The following IQCM variants were observed in gnomAD, a reference collection of about 807,000 sequenced individuals.
IQCM encodes IQ domain-containing protein M.
IQCM carries 45 observed loss-of-function variants against 57.6 expected under a neutral mutation model. That is an observed-to-expected ratio of 0.78 (90% CI 0.62 to 1.00). The LOEUF (loss-of-function observed/expected upper bound fraction) is 1.00, where lower values mean the gene tolerates loss of function less well. Among genes scored for constraint, IQCM ranks in the 50% least tolerant of loss-of-function variants. The pLI is 0.00. For synonymous variants in IQCM, 148 were observed against 158.9 expected (o/e 0.93, Z 0.51); for missense variants, 468 against 511.6 (o/e 0.91, Z 0.82).
intron 13 of IQCM, among the ~76,000 whole-genome samples, chr4:149,388,652 A>AAT (rs1217426859): frequency 9.3e-4 from 131 of 140,980 alleles, no homozygotes; most frequent in African/African-American, 1.6e-3. Flanking sequence ...AAGAATATAA[A>AAT]ATATATATAT....
At chr4:149,558,716 C>T (rs960124656) in intron 10 of IQCM, among the ~76,000 whole-genome samples, 2 of 152,094 alleles carry the variant, frequency 1.3e-5, no homozygotes, top group African/African-American at 4.8e-5. Context: ...GAAGAGCTTT[C>T]TCAGAAATAT....
intron 13 of IQCM, among the ~76,000 whole-genome samples, chr4:149,367,769 T>C (rs184640956): frequency 2.0e-5 from 3 of 152,180 alleles, no homozygotes; most frequent in East Asian, 1.9e-4. Context: ...CTACCAGCAA[T>C]GTGGAACAGT....
At chr4:149,603,935 C>A (rs376276419) in intron 8 of IQCM, among the ~76,000 whole-genome samples, 16 of 152,108 alleles carry the variant, frequency 1.1e-4, no homozygotes, top group East Asian at 3.9e-4. Flanking sequence ...ATCTCCTTAT[C>A]TTTCCTAGTC....
intron 7 of IQCM, among the ~76,000 whole-genome samples, chr4:149,654,857 C>G (rs1759502369): frequency 6.6e-6 from 1 of 152,054 alleles, no homozygotes; most frequent in Admixed American, 6.6e-5. Flanking sequence ...ATTTAGAAGA[C>G]TTGGTAAAAA....
chr4:149,693,690 A>T (rs1253660399), intron 5 of IQCM, among the ~76,000 whole-genome samples: 1 of 152,162 alleles, frequency 6.6e-6, no homozygotes, highest in African/African-American at 2.4e-5. Context: ...TTGTTTTCTA[A>T]TTTAACATCA....
intron 3 of IQCM, among the ~76,000 whole-genome samples, chr4:149,738,387 T>C (rs1327626826): frequency 6.6e-6 from 1 of 152,154 alleles, no homozygotes; most frequent in Non-Finnish European, 1.5e-5. Flanking sequence ...CCTTTGTAAC[T>C]AGAATTAGCT....
At chr4:149,810,102 G>A (rs575323652) in intron 2 of IQCM, among the ~76,000 whole-genome samples, 1 of 151,960 alleles carries the variant, frequency 6.6e-6, no homozygotes, top group Non-Finnish European at 1.5e-5. Context: ...GTTAGAGTAC[G>A]GGCTGGACAT....
intron 9 of IQCM, among the ~76,000 whole-genome samples, chr4:149,585,434 T>C (rs1373153214): frequency 6.6e-6 from 1 of 151,332 alleles, no homozygotes; most frequent in Non-Finnish European, 1.5e-5. Context: ...GAAGAGAATC[T>C]TAATATTGAT....
At position 149,733,304 on chromosome 4, in the gene IQCM, T is replaced by G. The variant is rs531209439; in HGVS notation, c.325A>C (p.Lys109Gln). 3.2e-6 allele frequency: 4 copies of G among 1,231,498 alleles called. No homozygotes were observed. In the Admixed American group the frequency reaches 1.7e-4, roughly 52 times the overall value. 76.3% of individuals were successfully genotyped at this position (1,231,498 alleles called of 1,614,324 possible). A position where few individuals can be genotyped will look rare whatever the true frequency, so the allele number is the denominator to read the frequency against. The change falls in exon 5 of 14, where the codon AAG becomes CAG. Residue 109 changes from lysine to glutamine, a missense_variant. By Grantham distance (53) the Lys-to-Gln change is moderately conservative (BLOSUM62 1). Transcript: ENST00000636793. ...CTTCTACTAAAAATGTGTGGTTCCT[T>G]GAAGGAGATTCGTTGTGGGGGTTCC... The part of the protein sequence containing the change: ...LQEPPQRISF[K>Q]EPHIFSRRER...
intron 7 of IQCM, among the ~76,000 whole-genome samples, chr4:149,674,769 A>G (rs1761606617): frequency 6.6e-6 from 1 of 152,106 alleles, no homozygotes; most frequent in Admixed American, 6.6e-5. Flanking sequence ...AGTTTTGGAG[A>G]ATAACCAGTC....
intron 12 of IQCM, among the ~76,000 whole-genome samples, chr4:149,503,649 T>G (rs1743494085): frequency 6.6e-6 from 1 of 152,064 alleles, no homozygotes; most frequent in Non-Finnish European, 1.5e-5. Flanking sequence ...TGAAGGTATA[T>G]GCCAGTGAAC....
intron 7 of IQCM, among the ~76,000 whole-genome samples, chr4:149,632,125 G>A (rs1466849052): frequency 6.6e-6 from 1 of 152,146 alleles, no homozygotes; most frequent in African/African-American, 2.4e-5. Context: ...CCCAGCATTG[G>A]GAAATCTAGA....
At chr4:149,461,966 C>T (rs1738341749) in intron 12 of IQCM, among the ~76,000 whole-genome samples, 1 of 152,082 alleles carries the variant, frequency 6.6e-6, no homozygotes, top group Middle Eastern at 3.4e-3. Context: ...TGGTCTGTGG[C>T]CTGGGGGTTG....
chr4:149,638,723 C>T (rs1369856168), intron 7 of IQCM, among the ~76,000 whole-genome samples: 1 of 152,092 alleles, frequency 6.6e-6, no homozygotes, highest in Non-Finnish European at 1.5e-5. Flanking sequence ...CTAGGTAGAT[C>T]CAATTAGCCA....
intron 7 of IQCM, among the ~76,000 whole-genome samples, chr4:149,660,161 AG>A (rs1760041341): frequency 6.6e-6 from 1 of 151,400 alleles, no homozygotes; most frequent in African/African-American, 2.4e-5. Flanking sequence ...CCCATCAAAA[AG>A]TGGGTGAAGG....
chr4:149,732,675 T>C (rs910950995), intron 5 of IQCM, among the ~76,000 whole-genome samples: 1 of 152,154 alleles, frequency 6.6e-6, no homozygotes, highest in Non-Finnish European at 1.5e-5. Context: ...AAGATGAGGC[T>C]GTGAAAGCTA....
chr4:149,678,693 A>T (rs564530638), intron 7 of IQCM, among the ~76,000 whole-genome samples: 1 of 151,828 alleles, frequency 6.6e-6, no homozygotes, highest in African/African-American at 2.4e-5. Context: ...ATGAAGTCCT[A>T]AAGACAAATC....
intron 10 of IQCM, among the ~76,000 whole-genome samples, chr4:149,559,095 T>C: frequency 6.6e-6 from 1 of 152,144 alleles, no homozygotes; most frequent in Non-Finnish European, 1.5e-5. Context: ...ACCCTCCTCC[T>C]TATCTCCAAA....
chr4:149,714,857 T>C (rs956491409), intron 5 of IQCM, among the ~76,000 whole-genome samples: 3 of 152,118 alleles, frequency 2.0e-5, no homozygotes, highest in African/African-American at 7.2e-5. Flanking sequence ...ACATATATAG[T>C]GTGGATATGC....
Sources: allele counts gnomAD v4.1 joint callset (sites outside exome capture counted in the v4.1 genomes callset), GRCh38; gene constraint gnomAD v4.1.1; transcripts MANE v1.5; gene names NCBI Gene and HGNC (gene_info 2026-07-23, HGNC 2026-07-21).